The following PRKCH variants were observed in gnomAD, a reference collection of about 807,000 sequenced individuals.
The protein encoded by PRKCH is protein kinase C eta type.
In PRKCH, 28 loss-of-function variants were observed where a neutral mutation model predicts 82.5. That is an observed-to-expected ratio of 0.34 (90% CI 0.25 to 0.47). The LOEUF is 0.47. Among genes scored for constraint, PRKCH ranks in the 20% least tolerant of loss-of-function variants. PRKCH has a pLI of 1.00. For synonymous variants in PRKCH, 322 were observed against 327.4 expected, an observed-to-expected ratio of 0.98 and a Z score of 0.18; for missense variants, 705 against 881.8, an observed-to-expected ratio of 0.80 and a Z score of 2.54.
At chr14:61,362,340 T>TTA (rs1354622914) in intron 1 of PRKCH, among the ~76,000 whole-genome samples, 1 of 125,524 alleles carries the variant, frequency 8.0e-6, no homozygotes, top group African/African-American at 2.8e-5. Flanking sequence ...CATCTTGTCT[T>TTA]AAAAAAAAAA....
At chr14:61,459,650 G>A (rs1005375463) in intron 9 of PRKCH, among the ~76,000 whole-genome samples, 1 of 152,168 alleles carries the variant, frequency 6.6e-6, no homozygotes. Flanking sequence ...AATTTCTTGC[G>A]ATAGGTAATA....
chr14:61,385,367 A>G (rs950582330), intron 1 of PRKCH, among the ~76,000 whole-genome samples: 3 of 119,062 alleles, frequency 2.5e-5, no homozygotes, highest in East Asian at 3.2e-4. Context: ...AATATTGCAG[A>G]AAAAAAAAAT....
At chr14:61,532,360 TA>T (rs1369845265) in intron 12 of PRKCH, among the ~76,000 whole-genome samples, 1 of 152,240 alleles carries the variant, frequency 6.6e-6, no homozygotes, top group African/African-American at 2.4e-5. Flanking sequence ...TTATATTCTC[TA>T]ATATAAACAC....
intron 1 of PRKCH, among the ~76,000 whole-genome samples, chr14:61,271,683 G>A (rs1050398599): frequency 2.6e-5 from 4 of 152,128 alleles, no homozygotes; most frequent in Admixed American, 6.5e-5. Flanking sequence ...CTACTTCATA[G>A]GATTGTTGTG....
intron 10 of PRKCH, among the ~76,000 whole-genome samples, chr14:61,523,199 CT>C (rs2042926628): frequency 6.6e-6 from 1 of 152,230 alleles, no homozygotes; most frequent in Non-Finnish European, 1.5e-5. Flanking sequence ...GTGCACTCCC[CT>C]ATGCCTGTAT....
At chr14:61,193,749 A>T in intron 1 of PRKCH, among the ~76,000 whole-genome samples, 1 of 152,170 alleles carries the variant, frequency 6.6e-6, no homozygotes, top group Non-Finnish European at 1.5e-5. Context: ...CTCAAAAAGG[A>T]GGGTTTATTG....
chr14:61,360,941 C>T (rs2046216483), intron 1 of PRKCH: 1 of 152,150 alleles, frequency 6.6e-6, no homozygotes, highest in South Asian at 2.1e-4. Context: ...TTCTGCAGTC[C>T]CTCTCACATA....
chr14:61,310,786 G>T (rs940205371), intron 1 of PRKCH, among the ~76,000 whole-genome samples: 6 of 152,264 alleles, frequency 3.9e-5, no homozygotes, highest in South Asian at 2.1e-4. Context: ...TAAGGGCTCT[G>T]CCCTAGCAGC....
chr14:61,324,455 T>G (rs2025524), intron 1 of PRKCH, among the ~76,000 whole-genome samples: 121,984 of 151,858 alleles, frequency 0.8, 51,076 homozygotes, highest in South Asian at 0.92. Flanking sequence ...AGATTTTTTT[T>G]TTGTTGTTTT....
chr14:61,451,649 T>G (rs1037361617), intron 6 of PRKCH, among the ~76,000 whole-genome samples: 1 of 152,302 alleles, frequency 6.6e-6, no homozygotes, highest in African/African-American at 2.4e-5. Context: ...CCCTGTCCTG[T>G]TAGGAGTTAG....
chr14:61,214,144 G>A (rs926721946), intron 1 of PRKCH, among the ~76,000 whole-genome samples: 3 of 152,216 alleles, frequency 2.0e-5, no homozygotes, highest in African/African-American at 7.2e-5. Flanking sequence ...TTCTGAGGAA[G>A]TGGCCTTTGG....
intron 9 of PRKCH, among the ~76,000 whole-genome samples, chr14:61,458,930 G>C (rs1444719322): frequency 6.6e-6 from 1 of 152,126 alleles, no homozygotes; most frequent in Non-Finnish European, 1.5e-5. Context: ...TCTGGGTGGG[G>C]ACACACAGCC....
intron 1 of PRKCH, among the ~76,000 whole-genome samples, chr14:61,188,422 C>T (rs1293502754): frequency 6.6e-6 from 1 of 152,132 alleles, no homozygotes; most frequent in East Asian, 1.9e-4. Flanking sequence ...GGCTCCGGCT[C>T]TGGCTCCGGC....
chr14:61,279,078 A>T (rs1195895146), intron 1 of PRKCH: 2 of 151,708 alleles, frequency 1.3e-5, no homozygotes, highest in African/African-American at 4.8e-5. Flanking sequence ...TCCCTCGAAG[A>T]TCTCTTCCAG....
chr14:61,324,941 C>G (rs972489184), intron 1 of PRKCH, among the ~76,000 whole-genome samples: 1 of 152,050 alleles, frequency 6.6e-6, no homozygotes. Context: ...GTTGCAGGTT[C>G]AAAAAACCCC....
intron 1 of PRKCH, among the ~76,000 whole-genome samples, chr14:61,336,502 A>G (rs1175203188): frequency 6.6e-6 from 1 of 152,246 alleles, no homozygotes; most frequent in Non-Finnish European, 1.5e-5. Context: ...TGGTTTGCTT[A>G]TTCAATATTG....
chr14:61,534,317 GTCCA>G (rs931550516), intron 12 of PRKCH, among the ~76,000 whole-genome samples: 1 of 152,218 alleles, frequency 6.6e-6, no homozygotes, highest in African/African-American at 2.4e-5. Context: ...CAACCCATGT[GTCCA>G]TCAACAGATG....
At chr14:61,296,066 T>C (rs1246267222) in intron 1 of PRKCH, among the ~76,000 whole-genome samples, 2 of 152,220 alleles carry the variant, frequency 1.3e-5, no homozygotes, top group Non-Finnish European at 2.9e-5. Flanking sequence ...AAATACCAGT[T>C]TCCACATCAT....
chr14:61,457,009 C>G, intron 7 of PRKCH, 167 bp from the exon 8 acceptor site: 1 of 660,088 alleles, frequency 1.5e-6, no homozygotes, highest in Non-Finnish European at 2.6e-6. Context: ...GAAGCTGATA[C>G]TGAGGGAGTT....
Sources: allele counts gnomAD v4.1 joint callset (sites outside exome capture counted in the v4.1 genomes callset), GRCh38; gene constraint gnomAD v4.1.1; transcripts MANE v1.5; gene names NCBI Gene and HGNC (gene_info 2026-07-23, HGNC 2026-07-21).